TNPO1: variants seen among roughly 807,000 people sequenced by gnomAD.
TNPO1 encodes the protein transportin-1.
Under a neutral mutation model 119.5 loss-of-function variants are expected in TNPO1, and 8 were observed. That is an observed-to-expected ratio of 0.07 (90% confidence interval 0.04 to 0.12). The LOEUF is 0.12. Ranked by LOEUF, TNPO1 falls within the 10% of genes least tolerant of loss-of-function variation. TNPO1 has a pLI of 1.00. For synonymous variants in TNPO1, 362 were observed against 363.0 expected, an observed-to-expected ratio of 1.00 and a Z score of 0.03; for missense variants, 576 against 1,089.8, an observed-to-expected ratio of 0.53 and a Z score of 6.64.
chr5:72,853,670 T>TTTC (rs371554798), intron 3 of TNPO1, among the ~76,000 whole-genome samples: 4 of 151,764 alleles, frequency 2.6e-5, no homozygotes, highest in East Asian at 3.9e-4. Flanking sequence ...TTTTTTTTTT[T>TTTC]CCCTGGGAAG....
At chr5:72,848,332 G>C (rs1745244629) in intron 1 of TNPO1, 53 bp from the exon 2 acceptor site, 4 of 1,553,290 alleles carry the variant, frequency 2.6e-6, no homozygotes, top group Non-Finnish European at 3.5e-6. Flanking sequence ...CTGGGCCTGT[G>C]CACCGGGAGT....
At chr5:72,852,059 C>T (rs1046813361) in intron 3 of TNPO1, among the ~76,000 whole-genome samples, 1 of 152,140 alleles carries the variant, frequency 6.6e-6, no homozygotes, top group African/African-American at 2.4e-5. Flanking sequence ...TCAATTATAT[C>T]CTTCTCTGCT....
chr5:72,870,009 T>C lies in TNPO1; in HGVS notation c.597-2630T>C, dbSNP rs540654854. 2.0e-5 allele frequency among the ~76,000 whole-genome samples: 3 copies of C among 152,312 alleles called. No homozygotes were observed. The South Asian group carries it at 6.2e-4, about 32-fold the overall frequency. ...TTATTGGGAAATGATATTTAGAGCTTTCAGTAGGACAGTAGGAATGCCTTT... is the reference window on the plus strand; with the variant it reads ...TTATTGGGAAATGATATTTAGAGCTCTCAGTAGGACAGTAGGAATGCCTTT... On this transcript the variant is annotated intron_variant, in intron 6 of 24. Coordinates refer to ENST00000337273, the MANE Select transcript of TNPO1 (RefSeq NM_002270.4).
At chr5:72,843,374 A>G (rs538416628) in intron 1 of TNPO1, among the ~76,000 whole-genome samples, 1 of 152,188 alleles carries the variant, frequency 6.6e-6, no homozygotes, top group African/African-American at 2.4e-5. Context: ...CGGGCAGATC[A>G]CTTGAGGTCA....
intron 9 of TNPO1, among the ~76,000 whole-genome samples, chr5:72,879,404 C>T (rs1460289143): frequency 6.6e-6 from 1 of 152,190 alleles, no homozygotes; most frequent in Non-Finnish European, 1.5e-5. Context: ...TATTACTGCA[C>T]TAATATAATC....
At chr5:72,851,097 A>G (rs1173827985) in intron 2 of TNPO1, 147 bp from the exon 3 acceptor site, 7 of 617,030 alleles carry the variant, frequency 1.1e-5, no homozygotes, top group Non-Finnish European at 2.0e-5. Context: ...ATGTTGATAG[A>G]TTTAGTAAGA....
intron 4 of TNPO1, among the ~76,000 whole-genome samples, chr5:72,858,604 A>G (rs979272636): frequency 3.3e-5 from 5 of 152,114 alleles, no homozygotes; most frequent in East Asian, 1.9e-4. Flanking sequence ...TTGGGAGGCC[A>G]AGGTGGGCGG....
chr5:72,819,698 A>G (rs1413254254), intron 1 of TNPO1, among the ~76,000 whole-genome samples: 4 of 152,234 alleles, frequency 2.6e-5, no homozygotes, highest in Non-Finnish European at 5.9e-5. Flanking sequence ...TAATGGTTAA[A>G]TTTTTAAAAC....
chr5:72,857,070 A>G (rs2112288502), intron 4 of TNPO1, among the ~76,000 whole-genome samples: 1 of 152,282 alleles, frequency 6.6e-6, no homozygotes, highest in Admixed American at 6.5e-5. Context: ...CTGTAATCCC[A>G]GCACTTTGGG....
At chr5:72,887,306 T>C in intron 12 of TNPO1, 84 bp downstream of exon 12, 1 of 1,362,184 alleles carries the variant, frequency 7.3e-7, no homozygotes, top group South Asian at 1.5e-5. Flanking sequence ...TTTAAGGAAT[T>C]TCTATTTTGA....
At chr5:72,870,902 A>C (rs1245722386) in intron 6 of TNPO1, among the ~76,000 whole-genome samples, 1 of 152,180 alleles carries the variant, frequency 6.6e-6, no homozygotes, top group Non-Finnish European at 1.5e-5. Context: ...TACTTAACAT[A>C]TATATTAGCT....
At chr5:72,854,622 A>G (rs534431297) in intron 3 of TNPO1, among the ~76,000 whole-genome samples, 13 of 152,188 alleles carry the variant, frequency 8.5e-5, no homozygotes, top group Non-Finnish European at 1.3e-4. Context: ...ATGAAGTTGT[A>G]AGGATTAAGT....
intron 1 of TNPO1, among the ~76,000 whole-genome samples, chr5:72,833,899 A>G (rs1442151881): frequency 3.9e-5 from 6 of 152,212 alleles, no homozygotes; most frequent in Admixed American, 6.5e-5. Flanking sequence ...ACGGTAGTCT[A>G]TCATATGACA....
At position 72,913,948 on chromosome 5, in the gene TNPO1, C is replaced by G. The variant is rs1376405000; in HGVS notation, c.*5275C>G. 1 of 152,544 alleles carries G rather than the reference C, an allele frequency of 6.6e-6. No homozygotes were observed. The highest frequency in any genetic ancestry group is 1.5e-5 in the Non-Finnish European group (1 of 67,972). 9.4% of individuals were successfully genotyped at this position (152,544 alleles called of 1,614,324 possible). On this transcript the variant is annotated 3_prime_UTR_variant, in exon 25 of 25. Coordinates refer to ENST00000337273, the MANE Select transcript of TNPO1 (RefSeq NM_002270.4). ...CACTTCATATTACAAAACAGTTTTA[C>G]ACTTAATATGTTAACATTGGGTGCA...
At chr5:72,861,359 G>A in intron 4 of TNPO1, among the ~76,000 whole-genome samples, 1 of 152,154 alleles carries the variant, frequency 6.6e-6, no homozygotes, top group Admixed American at 6.5e-5. Context: ...TTTATGTGAG[G>A]TTTTTTTTCC....
chr5:72,816,804 C>G (rs1209422361), intron 1 of TNPO1, 52 bp downstream of exon 1: 1 of 1,548,684 alleles, frequency 6.5e-7, no homozygotes, highest in Non-Finnish European at 8.7e-7. Flanking sequence ...GGAACGGAGG[C>G]TGGGAGCGCC....
At chr5:72,860,139 G>A (rs1580409328) in intron 4 of TNPO1, among the ~76,000 whole-genome samples, 1 of 152,106 alleles carries the variant, frequency 6.6e-6, no homozygotes, top group African/African-American at 2.4e-5. Flanking sequence ...ATCATTGAGA[G>A]CAACCTTCTC....
At chr5:72,882,941 C>A in intron 10 of TNPO1, 123 bp from the exon 11 acceptor site, 1 of 753,226 alleles carries the variant, frequency 1.3e-6, no homozygotes, top group Non-Finnish European at 2.3e-6. Flanking sequence ...CTTAATCACT[C>A]TGGAAGTATA....
At chr5:72,875,834 A>G in intron 8 of TNPO1, 97 bp downstream of exon 8, 1 of 1,350,864 alleles carries the variant, frequency 7.4e-7, no homozygotes, top group Non-Finnish European at 1.0e-6. Context: ...GGACTATAAA[A>G]TAGTTATAAT....
Sources: gnomAD v4.1 joint callset for allele counts (sites outside exome capture counted in the v4.1 genomes callset) on GRCh38, gnomAD v4.1.1 for gene constraint, MANE v1.5 for transcripts, NCBI Gene and HGNC (gene_info 2026-07-23, HGNC 2026-07-21) for gene names.